Variants in FANCD2OS observed in about 807,000 individuals in gnomAD.
FANCD2OS encodes FANCD2 opposite strand protein.
A neutral mutation model predicts 13.2 loss-of-function variants in FANCD2OS; 11 were observed. That is an observed-to-expected ratio of 0.83 (90% CI 0.52 to 1.38). The LOEUF (loss-of-function observed/expected upper bound fraction) is 1.38. Among genes scored for constraint, FANCD2OS ranks in the 40% most tolerant of loss-of-function variants. FANCD2OS has a pLI of 0.00. For synonymous variants in FANCD2OS, 69 were observed against 84.5 expected (o/e 0.82, Z 1.01); for missense variants, 217 against 213.9 (o/e 1.01, Z -0.09).
chr3:10,088,513 C>G (rs753964157), intron 2 of FANCD2OS: 1 of 1,609,552 alleles, frequency 6.2e-7, no homozygotes, highest in Non-Finnish European at 8.5e-7. Context: ...AGAGCAACAT[C>G]TCTAATGACC....
chr3:10,097,534 G>A (rs35734930), intron 2 of FANCD2OS, among the ~76,000 whole-genome samples: 259 of 152,278 alleles, frequency 1.7e-3, no homozygotes, highest in African/African-American at 5.9e-3. Context: ...TGTTCCGCCC[G>A]GCTCACCGGC....
chr3:10,096,278 G>T, intron 2 of FANCD2OS: 1 of 1,594,202 alleles, frequency 6.3e-7, no homozygotes, highest in Non-Finnish European at 8.6e-7. Flanking sequence ...AAATGTGAAG[G>T]CATGATGATA....
downstream of FANCD2OS, chr3:10,099,471 A>G: frequency 2.6e-6 from 1 of 383,186 alleles, no homozygotes; most frequent in Non-Finnish European, 3.8e-6. Flanking sequence ...AAAAAAATGA[A>G]AAATAAACCT....
chr3:10,099,864 G>A (rs141357223), downstream of FANCD2OS, among the ~76,000 whole-genome samples: 503 of 152,254 alleles, frequency 3.3e-3, 11 homozygotes, highest in South Asian at 0.04. Flanking sequence ...GCCTCTGTCT[G>A]TAATGCAATT....
chr3:10,100,805 C>T (rs1442248144), downstream of FANCD2OS, among the ~76,000 whole-genome samples: 2 of 152,184 alleles, frequency 1.3e-5, no homozygotes, highest in African/African-American at 4.8e-5. Flanking sequence ...CGCAATGGCT[C>T]ACGCCTGTAA....
chr3:10,085,127 C>CA (rs1694104282), intron 2 of FANCD2OS, among the ~76,000 whole-genome samples: 1 of 152,112 alleles, frequency 6.6e-6, no homozygotes, highest in Non-Finnish European at 1.5e-5. Context: ...AGCAGTTTGA[C>CA]AAAATTATTC....
At chr3:10,103,092 A>C (rs1695366145), downstream of FANCD2OS, 1 of 429,094 alleles carries the variant, frequency 2.3e-6, no homozygotes, top group Admixed American at 2.5e-5. Flanking sequence ...CTCCATCTCT[A>C]CTAAAAAAAA....
chr3:10,101,883 A>C, downstream of FANCD2OS: 1 of 187,050 alleles, frequency 5.3e-6, no homozygotes, highest in Non-Finnish European at 1.1e-5. Context: ...GATTTATTGT[A>C]GAACTTAGGC....
rs1383858646 is a variant in FANCD2OS, at chr3:10,105,764, AAAAAAAATTATAT to A, written c.-8-995_-8-983del. On this transcript the variant is annotated intron_variant, in intron 1 of 1. Transcript: ENST00000450660. ...AGACTCCATCTAAAAAAAAAAAAAA[AAAAAAAATTATAT>A]ATATATATATATATATATATATATA... 1.0e-3 allele frequency among the ~76,000 whole-genome samples: 70 copies of A among 67,062 alleles called. 4 individuals carry two copies. Among genetic ancestry groups the A allele is most frequent in the African/African-American group, 7.2e-3 (69 of 9,590 alleles). 44.0% of individuals were successfully genotyped at this position (67,062 alleles called of 152,430 possible). A position where few individuals can be genotyped will look rare whatever the true frequency, so the allele number is the denominator to read the frequency against.
intron 2 of FANCD2OS, among the ~76,000 whole-genome samples, chr3:10,096,166 C>T (rs1302215977): frequency 6.6e-6 from 1 of 152,186 alleles, no homozygotes; most frequent in Non-Finnish European, 1.5e-5. Flanking sequence ...CTGCCATTCT[C>T]TTTGGATTAC....
chr3:10,098,653 C>G (rs890818858), downstream of FANCD2OS: 4 of 1,580,476 alleles, frequency 2.5e-6, no homozygotes, highest in Non-Finnish European at 2.6e-6. Context: ...GTAAACTCAA[C>G]CTTCTCCCCT....
intron 2 of FANCD2OS, among the ~76,000 whole-genome samples, chr3:10,095,878 ATTTT>A (rs397950663): frequency 1.6e-5 from 2 of 125,766 alleles, no homozygotes; most frequent in Non-Finnish European, 3.3e-5. Flanking sequence ...CTGAACAGTG[ATTTT>A]TTTTTTTTTT....
rs1695409916 is a variant in FANCD2OS, at chr3:10,104,419, C to G, written c.356G>C (p.Arg119Thr). The G allele has an allele frequency of 5.6e-6, 9 of 1,614,082 alleles. No individual in the cohort carries two copies. The South Asian group carries it at 7.7e-5, about 14-fold the overall frequency. ...GCAAAAGGCTGACTTGTCTGAAACT[C>G]TGAAAGTCCCGGTCCACTTTGGTGG... ...AQPPKWTGTF[R>T]VSDKSAFCKI... The change falls in exon 2 of 2, where the codon AGA (arginine) becomes ACA (threonine). Residue 119 changes from arginine to threonine, a missense_variant. Transcript: ENST00000450660.
At chr3:10,100,525 C>T (rs1695239708), downstream of FANCD2OS, among the ~76,000 whole-genome samples, 1 of 152,164 alleles carries the variant, frequency 6.6e-6, no homozygotes, top group Non-Finnish European at 1.5e-5. Context: ...GTGCCTGCAA[C>T]CATGCCCGGC....
chr3:10,099,358 C>T (rs540249462), downstream of FANCD2OS: 289 of 1,179,834 alleles, frequency 2.4e-4, 2 homozygotes, highest in East Asian at 0.011. Flanking sequence ...CGCAGTGGCT[C>T]ATGCTTGTAA....
At chr3:10,097,682 C>A (rs1017989332) in intron 2 of FANCD2OS, among the ~76,000 whole-genome samples, 3 of 152,104 alleles carry the variant, frequency 2.0e-5, no homozygotes, top group Admixed American at 1.3e-4. Flanking sequence ...ATTACAGGGT[C>A]CTGAGACTAT....
chr3:10,099,292 G>A, downstream of FANCD2OS: 3 of 1,244,192 alleles, frequency 2.4e-6, no homozygotes, highest in South Asian at 5.4e-5. Flanking sequence ...CTTTTTTGTG[G>A]TACAGATGCT....
downstream of FANCD2OS, among the ~76,000 whole-genome samples, chr3:10,100,273 T>C (rs2125103914): frequency 6.6e-6 from 1 of 152,344 alleles, no homozygotes. Context: ...GCAGACAATA[T>C]CCTATTAGTT....
At chr3:10,106,456 G>A (rs993724873) in intron 1 of FANCD2OS, among the ~76,000 whole-genome samples, 1 of 152,092 alleles carries the variant, frequency 6.6e-6, no homozygotes, top group Non-Finnish European at 1.5e-5. Flanking sequence ...TTGTTAGTGG[G>A]CATAGCAGGT....
Sources: gnomAD v4.1 joint callset for allele counts (sites outside exome capture counted in the v4.1 genomes callset) on GRCh38, gnomAD v4.1.1 for gene constraint, MANE v1.5 for transcripts, NCBI Gene and HGNC (gene_info 2026-07-23, HGNC 2026-07-21) for gene names.